IQCM: variants seen among roughly 807,000 people sequenced by gnomAD.
IQCM encodes the protein IQ domain-containing protein M.
IQCM carries 45 observed loss-of-function variants against 57.6 expected under a neutral mutation model. That is an observed-to-expected ratio of 0.78 (90% CI 0.62 to 1.00). The LOEUF (loss-of-function observed/expected upper bound fraction) is 1.00, where lower values mean the gene tolerates loss of function less well. Among genes scored for constraint, IQCM ranks in the 50% least tolerant of loss-of-function variants. The pLI, the probability that IQCM is intolerant of heterozygous loss-of-function variation, is 0.00. For missense variants in IQCM, 468 were observed against 511.6 expected (o/e 0.91, Z 0.82); for synonymous variants, 148 against 158.9 (o/e 0.93, Z 0.51).
At chr4:149,644,484 G>T (rs1032981130) in intron 7 of IQCM, among the ~76,000 whole-genome samples, 3 of 152,108 alleles carry the variant, frequency 2.0e-5, no homozygotes, top group Admixed American at 2.0e-4. Context: ...TTATAAAACT[G>T]ATTCCTGTTG....
chr4:149,675,447 A>G (rs1761670870), intron 7 of IQCM, among the ~76,000 whole-genome samples: 1 of 151,918 alleles, frequency 6.6e-6, no homozygotes, highest in South Asian at 2.1e-4. Context: ...AGGGGAAGAA[A>G]TGTCTTCAGG....
chr4:149,693,273 C>T (rs897258216), intron 5 of IQCM, among the ~76,000 whole-genome samples: 2 of 152,184 alleles, frequency 1.3e-5, no homozygotes, highest in African/African-American at 4.8e-5. Flanking sequence ...TAACCCTTTA[C>T]TTGAATGATA....
chr4:149,715,806 G>A (rs974030925), intron 5 of IQCM, among the ~76,000 whole-genome samples: 37 of 152,154 alleles, frequency 2.4e-4, no homozygotes, highest in African/African-American at 7.5e-4. Context: ...TCTCAGCTCC[G>A]CAGATTCCTC....
chr4:149,450,324 C>T (rs1386439270), intron 12 of IQCM, among the ~76,000 whole-genome samples: 1 of 151,472 alleles, frequency 6.6e-6, no homozygotes, highest in Non-Finnish European at 1.5e-5. Flanking sequence ...GTAGTAATAC[C>T]CCATAAGAAC....
intron 2 of IQCM, among the ~76,000 whole-genome samples, chr4:149,767,297 G>A (rs1048118675): frequency 1.3e-5 from 2 of 151,784 alleles, no homozygotes; most frequent in Non-Finnish European, 2.9e-5. Flanking sequence ...ACAATAAAAG[G>A]GTATTAAGCT....
intron 2 of IQCM, among the ~76,000 whole-genome samples, chr4:149,763,300 C>A (rs771769096): frequency 2.0e-5 from 3 of 152,024 alleles, no homozygotes; most frequent in African/African-American, 4.8e-5. Flanking sequence ...GATGGACAAG[C>A]AGATCCCAAA....
chr4:149,715,293 G>C (rs748507428), intron 5 of IQCM, among the ~76,000 whole-genome samples: 1 of 152,214 alleles, frequency 6.6e-6, no homozygotes, highest in Non-Finnish European at 1.5e-5. Context: ...CGAGCACAGG[G>C]TTCAGCCACT....
chr4:149,362,312 G>A (rs1729550134), intron 13 of IQCM, among the ~76,000 whole-genome samples: 1 of 152,008 alleles, frequency 6.6e-6, no homozygotes, highest in Non-Finnish European at 1.5e-5. Context: ...CTGTTGGGAG[G>A]GCATGATTGA....
chr4:149,438,618 T>C (rs1735605552), intron 12 of IQCM, among the ~76,000 whole-genome samples: 1 of 152,078 alleles, frequency 6.6e-6, no homozygotes. Flanking sequence ...TTCTGTTCAT[T>C]AGTAATATTT....
chr4:149,772,996 A>T (rs1770729208), intron 2 of IQCM, among the ~76,000 whole-genome samples: 1 of 152,228 alleles, frequency 6.6e-6, no homozygotes, highest in African/African-American at 2.4e-5. Flanking sequence ...AAAAAATTTA[A>T]GTGGACACAG....
At chr4:149,808,809 A>G (rs1363411386) in intron 2 of IQCM, among the ~76,000 whole-genome samples, 1 of 152,202 alleles carries the variant, frequency 6.6e-6, no homozygotes, top group African/African-American at 2.4e-5. Context: ...AATGAAATTT[A>G]GAAGGGTATG....
intron 12 of IQCM, among the ~76,000 whole-genome samples, chr4:149,482,393 C>T (rs1741003984): frequency 2.0e-5 from 3 of 151,918 alleles, no homozygotes; most frequent in African/African-American, 7.2e-5. Flanking sequence ...TTTCCCCTTT[C>T]AATATGATAC....
intron 8 of IQCM, among the ~76,000 whole-genome samples, chr4:149,608,214 A>AACACACAC (rs1754970848): frequency 6.6e-6 from 1 of 151,972 alleles, no homozygotes; most frequent in South Asian, 2.1e-4. Flanking sequence ...AAGAGAATAT[A>AACACACAC]ACAATTTCCA....
intron 12 of IQCM, among the ~76,000 whole-genome samples, chr4:149,529,086 C>T (rs949367858): frequency 2.0e-5 from 3 of 151,900 alleles, no homozygotes; most frequent in African/African-American, 7.3e-5. Context: ...ATATATGAGA[C>T]AGAGTCTCAC....
At chr4:149,385,771 AATAAGTTG>A (rs1731382134) in intron 13 of IQCM, among the ~76,000 whole-genome samples, 1 of 152,092 alleles carries the variant, frequency 6.6e-6, no homozygotes, top group Non-Finnish European at 1.5e-5. Flanking sequence ...ATATCTTTCA[AATAAGTTG>A]AAGTTCTTCA....
At chr4:149,785,048 A>T (rs1419000464) in intron 2 of IQCM, among the ~76,000 whole-genome samples, 3 of 152,182 alleles carry the variant, frequency 2.0e-5, no homozygotes, top group African/African-American at 4.8e-5. Flanking sequence ...TAATATAGAG[A>T]TATGTTTTAT....
intron 12 of IQCM, among the ~76,000 whole-genome samples, chr4:149,460,982 C>G (rs1272664996): frequency 1.3e-5 from 2 of 152,048 alleles, no homozygotes; most frequent in African/African-American, 4.8e-5. Context: ...TGCCTGTAAT[C>G]CCAGCATTTT....
chr4:149,607,868 G>C (rs145564784), intron 8 of IQCM, among the ~76,000 whole-genome samples: 2 of 151,876 alleles, frequency 1.3e-5, no homozygotes, highest in African/African-American at 2.4e-5. Context: ...GGAAGGAAGG[G>C]AGGGAGGGAA....
At chr4:149,540,988 T>G (rs1747796312) in intron 12 of IQCM, among the ~76,000 whole-genome samples, 1 of 152,208 alleles carries the variant, frequency 6.6e-6, no homozygotes, top group Non-Finnish European at 1.5e-5. Context: ...TTTTTCAGTC[T>G]TAAATTTTTT....
Sources: gnomAD v4.1 joint callset for allele counts (sites outside exome capture counted in the v4.1 genomes callset) on GRCh38, gnomAD v4.1.1 for gene constraint, MANE v1.5 for transcripts, NCBI Gene and HGNC (gene_info 2026-07-23, HGNC 2026-07-21) for gene names.